The following LMF1 variants were observed in gnomAD, a reference collection of about 807,000 sequenced individuals.
LMF1 encodes the protein transmembrane protein 112.
In LMF1, 68 loss-of-function variants were observed where a neutral mutation model predicts 60.6. The observed-to-expected ratio is 1.12, with a 90% CI of 0.92 to 1.37. The LOEUF (loss-of-function observed/expected upper bound fraction) is 1.37, where lower values mean the gene tolerates loss of function less well. Among genes scored for constraint, LMF1 ranks in the 40% most tolerant of loss-of-function variants. The pLI, the probability that LMF1 is intolerant of heterozygous loss-of-function variation, is 0.00. For missense variants in LMF1, 948 were observed against 767.2 expected, an observed-to-expected ratio of 1.24 and a Z score of -2.78; for synonymous variants, 418 against 324.7, an observed-to-expected ratio of 1.29 and a Z score of -3.09.
At chr16:876,717 AGGCGGGCTG>A (rs761479813) in intron 6 of LMF1, among the ~76,000 whole-genome samples, 2 of 150,020 alleles carry the variant, frequency 1.3e-5, no homozygotes, top group Non-Finnish European at 3.0e-5. Context: ...CCTTGGACAG[AGGCGGGCTG>A]GGCGGGCTGA....
rs565914183 is a variant in LMF1 at position 878,070 on chromosome 16, C to G, written c.897+1500G>C. Reference sequence around the variant, plus strand: ...CTACACGGAACCGACTGAAGCTATTCCAGGAGCCCCCAGACGCGCGTGGGG... The same window carrying G: ...CTACACGGAACCGACTGAAGCTATTGCAGGAGCCCCCAGACGCGCGTGGGG... On this transcript the variant is annotated intron_variant, in intron 6 of 10. Transcript: ENST00000262301. The surrounding 1 kb of genome is among the most constrained non-coding windows in gnomAD (Gnocchi z 5.2). 6.6e-6 allele frequency among the ~76,000 whole-genome samples: 1 copy of G among 151,992 alleles called. No homozygotes were observed. Among genetic ancestry groups the G allele is most frequent in the African/African-American group, 2.4e-5 (1 of 41,436 alleles).
chr16:856,679 C>T (rs2069192903), intron 10 of LMF1, among the ~76,000 whole-genome samples: 1 of 152,230 alleles, frequency 6.6e-6, no homozygotes, highest in African/African-American at 2.4e-5. Flanking sequence ...GGTCAGAACC[C>T]TCTGTGCCAA....
chr16:972,456 C>A (rs1338868373), upstream of LMF1, among the ~76,000 whole-genome samples: 1 of 152,176 alleles, frequency 6.6e-6, no homozygotes, highest in South Asian at 2.1e-4. Flanking sequence ...ACAGAGCCCA[C>A]GACCCGTACC....
rs368857256 is a variant in LMF1 at position 955,376 on chromosome 16, G to A, written c.194-710C>T. On this transcript the variant is annotated intron_variant, in intron 1 of 10. Transcript: ENST00000262301. ...GACCCGTTACATAAAATGCGTGCCC[G>A]CAGCAGACGCGGTGTGTGCATACAC... 1.1e-4 allele frequency among the ~76,000 whole-genome samples: 17 copies of A among 148,204 alleles called. 2 individuals are homozygous for A. Among genetic ancestry groups the A allele is most frequent in the African/African-American group, 3.8e-4 (15 of 39,776 alleles).
chr16:901,702 T>C (rs1195897635), intron 4 of LMF1: 1 of 152,160 alleles, frequency 6.6e-6, no homozygotes, highest in African/African-American at 2.4e-5. Context: ...CGGTGGGATG[T>C]AGGCTGGAGA....
intron 3 of LMF1, among the ~76,000 whole-genome samples, chr16:915,949 G>T (rs768122117): frequency 6.6e-6 from 1 of 152,112 alleles, no homozygotes; most frequent in Non-Finnish European, 1.5e-5. Context: ...GCGCTGCCTG[G>T]CCACCAGTGA....
intron 2 of LMF1, among the ~76,000 whole-genome samples, chr16:951,458 T>C (rs1388238119): frequency 1.3e-5 from 2 of 152,238 alleles, no homozygotes; most frequent in African/African-American, 4.8e-5. Flanking sequence ...CAAGGCTGCG[T>C]GGCTTTATGT....
At chr16:930,477 C>T (rs1053664114) in intron 3 of LMF1, among the ~76,000 whole-genome samples, 5 of 152,180 alleles carry the variant, frequency 3.3e-5, no homozygotes, top group African/African-American at 9.7e-5. Flanking sequence ...GGGAGGATCG[C>T]CTGAGCCCGG....
chr16:877,815 C>T (rs2070037339), intron 6 of LMF1, among the ~76,000 whole-genome samples: 1 of 152,112 alleles, frequency 6.6e-6, no homozygotes, highest in African/African-American at 2.4e-5. Flanking sequence ...CTGAGGGACC[C>T]GCAGACAGAC....
rs913636770 is a variant in LMF1, at chr16:897,455, C to T, written c.664-4383G>A. The stretch of plus-strand genomic sequence containing the variant: ...GCCACAACCTCCTCCATCCTTCTGG[C>T]GTTAGGGTCCCCTCGCCTGTATCAG... On this transcript the variant is annotated intron_variant, in intron 4 of 10. Transcript: ENST00000262301. The surrounding 1 kb of genome is among the most constrained non-coding windows in gnomAD (Gnocchi z 4.3). Among the ~76,000 whole-genome samples the T allele has an allele frequency of 5.3e-5, 8 of 152,208 alleles. No homozygotes were observed. The highest frequency in any genetic ancestry group is 1.0e-4 in the Non-Finnish European group (7 of 68,042).
At chr16:949,430 G>T (rs1270383637) in intron 2 of LMF1, among the ~76,000 whole-genome samples, 1 of 143,742 alleles carries the variant, frequency 7.0e-6, no homozygotes, top group African/African-American at 2.6e-5. Context: ...GCCAACGACA[G>T]AGTCAGGCCA....
chr16:894,184 G>A (rs1335586336), intron 4 of LMF1, among the ~76,000 whole-genome samples: 1 of 13,904 alleles, frequency 7.2e-5, no homozygotes, highest in Non-Finnish European at 1.4e-4. Context: ...CCTGTCCACT[G>A]GACTGTCCGC....
intron 3 of LMF1, among the ~76,000 whole-genome samples, chr16:932,680 A>C (rs1012695180): frequency 6.6e-6 from 1 of 152,146 alleles, no homozygotes; most frequent in Non-Finnish European, 1.5e-5. Flanking sequence ...TTCAGCCCCC[A>C]AACTGCTAAG....
intron 10 of LMF1, chr16:855,806 G>A: frequency 2.2e-6 from 1 of 456,064 alleles, no homozygotes; most frequent in South Asian, 1.5e-5. Context: ...TGTCTGGGCT[G>A]CTGTCATTAT....
Position 874,702 on chromosome 16 carries a change from A to T in LMF1, c.898-3361T>A, listed in dbSNP as rs1212108176. On this transcript the variant is annotated intron_variant, in intron 6 of 10. Transcript: ENST00000262301. This position sits in a 1 kb window ranked among gnomAD's most constrained non-coding sequence, Gnocchi z 4.1. Reference sequence around the variant, plus strand: ...TCCGGGGGACGGTGCTCAGATGGGAACACACGGAACCAGGACGGGATCCGG... The same window carrying T: ...TCCGGGGGACGGTGCTCAGATGGGATCACACGGAACCAGGACGGGATCCGG... Among the ~76,000 whole-genome samples the T allele has an allele frequency of 6.6e-6, 1 of 151,788 alleles. No individual in the cohort carries two copies. The highest frequency in any genetic ancestry group is 1.5e-5 in the Non-Finnish European group (1 of 67,936).
At chr16:971,161 G>C (rs1046352641), upstream of LMF1, among the ~76,000 whole-genome samples, 4 of 152,188 alleles carry the variant, frequency 2.6e-5, no homozygotes, top group Non-Finnish European at 5.9e-5. Flanking sequence ...CCACGCGCGG[G>C]AGCGGGTGCC....
intron 10 of LMF1, among the ~76,000 whole-genome samples, chr16:862,814 TG>T (rs1297799339): frequency 6.6e-6 from 1 of 152,030 alleles, no homozygotes; most frequent in Non-Finnish European, 1.5e-5. Flanking sequence ...GCCATGTTTG[TG>T]CCATTGCACT....
intron 2 of LMF1, among the ~76,000 whole-genome samples, chr16:938,166 G>A (rs1490276194): frequency 2.0e-5 from 3 of 152,354 alleles, no homozygotes; most frequent in Middle Eastern, 3.4e-3. Flanking sequence ...ACTCAATCAC[G>A]GAACGGGGTG....
At chr16:899,190 C>T (rs1049160709) in intron 4 of LMF1, 2 of 152,244 alleles carry the variant, frequency 1.3e-5, no homozygotes, top group South Asian at 2.1e-4. Flanking sequence ...GGCTCCTGCC[C>T]CAGCTCTGCC....
Sources: allele counts gnomAD v4.1 joint callset (sites outside exome capture counted in the v4.1 genomes callset), GRCh38; gene constraint gnomAD v4.1.1; non-coding constraint Gnocchi (gnomAD v3.1); transcripts MANE v1.5; gene names NCBI Gene and HGNC (gene_info 2026-07-23, HGNC 2026-07-21).